CA5A: variants seen among roughly 807,000 people sequenced by gnomAD.
The protein encoded by CA5A is carbonic anhydrase 5A, mitochondrial.
CA5A carries 28 observed loss-of-function variants against 37.1 expected under a neutral mutation model. That is an observed-to-expected ratio of 0.75 (90% confidence interval 0.56 to 1.03). The LOEUF is 1.03. CA5A is among the 50% of genes least tolerant of loss of function. The probability of loss-of-function intolerance (pLI) is 0.00; values close to 1 mark genes in which losing one functional copy is unlikely to be tolerated. For synonymous variants in CA5A, 171 were observed against 158.4 expected, an observed-to-expected ratio of 1.08 and a Z score of -0.60; for missense variants, 444 against 399.9, an observed-to-expected ratio of 1.11 and a Z score of -0.94.
chr16:87,895,910 C>G (rs1482563909), intron 5 of CA5A, among the ~76,000 whole-genome samples: 1 of 152,306 alleles, frequency 6.6e-6, no homozygotes, highest in East Asian at 1.9e-4. Context: ...ATTGCACGCT[C>G]TAGCTGGGCT....
At chr16:87,910,160 G>A (rs1260030271) in intron 2 of CA5A, among the ~76,000 whole-genome samples, 1 of 152,198 alleles carries the variant, frequency 6.6e-6, no homozygotes, top group East Asian at 1.9e-4. Context: ...TGATTAAGGG[G>A]CAAAGGCTCT....
chr16:87,919,764 T>C (rs1039413276), intron 2 of CA5A, among the ~76,000 whole-genome samples: 9 of 152,034 alleles, frequency 5.9e-5, no homozygotes, highest in African/African-American at 2.2e-4. Flanking sequence ...AGCAGTGAGA[T>C]CCCAGGCTGC....
At chr16:87,899,595 A>G (rs955509201) in intron 5 of CA5A, among the ~76,000 whole-genome samples, 17 of 149,400 alleles carry the variant, frequency 1.1e-4, no homozygotes, top group Non-Finnish European at 1.8e-4. Context: ...GAGCCACCGC[A>G]CCCAGCCTCT....
intron 1 of CA5A, among the ~76,000 whole-genome samples, chr16:87,927,168 C>T (rs372734368): frequency 2.0e-5 from 3 of 152,396 alleles, no homozygotes; most frequent in East Asian, 3.9e-4. Flanking sequence ...TTCTTTCCCA[C>T]CCGGAAGCAA....
chr16:87,928,698 A>T (rs1233304635), intron 1 of CA5A, among the ~76,000 whole-genome samples: 1 of 151,626 alleles, frequency 6.6e-6, no homozygotes, highest in Non-Finnish European at 1.5e-5. Flanking sequence ...GCAATTAAAC[A>T]AAGCTGTGAT....
chr16:87,924,641 T>C (rs1841353617), intron 2 of CA5A, among the ~76,000 whole-genome samples: 1 of 152,226 alleles, frequency 6.6e-6, no homozygotes, highest in African/African-American at 2.4e-5. Context: ...CACCATGTCA[T>C]GACGAAGCTG....
At chr16:87,896,748 C>A (rs2055808312) in intron 5 of CA5A, among the ~76,000 whole-genome samples, 2 of 152,250 alleles carry the variant, frequency 1.3e-5, no homozygotes, top group South Asian at 4.1e-4. Context: ...TCAAGCGATT[C>A]TCCTGCCTTA....
chr16:87,926,052 A>G (rs375834357), intron 2 of CA5A, among the ~76,000 whole-genome samples: 210 of 152,186 alleles, frequency 1.4e-3, no homozygotes, highest in African/African-American at 4.9e-3. Flanking sequence ...GCGACATCCC[A>G]TTTCTGCTAA....
intron 2 of CA5A, among the ~76,000 whole-genome samples, chr16:87,922,810 A>G (rs1489106641): frequency 6.6e-6 from 1 of 152,254 alleles, no homozygotes; most frequent in Non-Finnish European, 1.5e-5. Flanking sequence ...TTGGATGCAG[A>G]TTCTTTCTCT....
intron 3 of CA5A, among the ~76,000 whole-genome samples, chr16:87,903,350 G>C (rs575050813): frequency 2.8e-4 from 43 of 152,126 alleles, no homozygotes; most frequent in African/African-American, 1.0e-3. Flanking sequence ...AGAATCACTT[G>C]AACCTGGGCA....
intron 2 of CA5A, among the ~76,000 whole-genome samples, chr16:87,909,251 C>T (rs1003590542): frequency 2.6e-5 from 4 of 152,148 alleles, no homozygotes; most frequent in Admixed American, 2.6e-4. Flanking sequence ...CCATGGGGCC[C>T]TCGGGACATG....
intron 4 of CA5A, 136 bp downstream of exon 4, chr16:87,902,289 G>C (rs1442228920): frequency 1.5e-6 from 1 of 648,802 alleles, no homozygotes; most frequent in East Asian, 2.8e-5. Flanking sequence ...AGGAGGTGCA[G>C]GTTGCAATGA....
intron 6 of CA5A, among the ~76,000 whole-genome samples, chr16:87,891,467 C>CA (rs372043586): frequency 0.21 from 25,584 of 124,476 alleles, 2,346 homozygotes; most frequent in South Asian, 0.3. Context: ...GACTCTGTCT[C>CA]AAAAAAAAAA....
chr16:87,931,306 T>C (rs2056400950), intron 1 of CA5A, among the ~76,000 whole-genome samples: 1 of 151,446 alleles, frequency 6.6e-6, no homozygotes, highest in South Asian at 2.1e-4. Context: ...GAGACGGGGT[T>C]TCACCATGTT....
intron 2 of CA5A, among the ~76,000 whole-genome samples, chr16:87,913,456 A>T (rs1310854837): frequency 6.6e-6 from 1 of 151,744 alleles, no homozygotes; most frequent in African/African-American, 2.4e-5. Context: ...TGCCCGGCTA[A>T]TTTTTTTTAC....
chr16:87,923,597 C>T, intron 2 of CA5A: 1 of 985,450 alleles, frequency 1.0e-6, no homozygotes, highest in Non-Finnish European at 1.2e-6. Flanking sequence ...TTGGTGAGGA[C>T]ATTAGCCGGG....
intron 2 of CA5A, among the ~76,000 whole-genome samples, chr16:87,918,973 G>GATAA (rs1420516835): frequency 7.2e-6 from 1 of 138,290 alleles, no homozygotes; most frequent in African/African-American, 2.9e-5. Flanking sequence ...TGGAGAAAAT[G>GATAA]ACAAAGTGAA....
chr16:87,906,227 G>T (rs934867175), intron 2 of CA5A, among the ~76,000 whole-genome samples: 2 of 85,042 alleles, frequency 2.4e-5, no homozygotes, highest in Admixed American at 1.0e-4. Flanking sequence ...TAGCTGTGGA[G>T]GAGCCTCATG....
At chr16:87,910,795 G>A (rs1259811856) in intron 2 of CA5A, among the ~76,000 whole-genome samples, 2 of 152,098 alleles carry the variant, frequency 1.3e-5, no homozygotes, top group Non-Finnish European at 2.9e-5. Context: ...TGTCACCTAG[G>A]CTGGAGTGCA....
Sources: gnomAD v4.1 joint callset for allele counts (sites outside exome capture counted in the v4.1 genomes callset) on GRCh38, gnomAD v4.1.1 for gene constraint, MANE v1.5 for transcripts, NCBI Gene and HGNC (gene_info 2026-07-23, HGNC 2026-07-21) for gene names.